RICTOR: variants seen among roughly 807,000 people sequenced by gnomAD.
RICTOR encodes rapamycin-insensitive companion of mTOR.
In RICTOR, 49 loss-of-function variants were observed where a neutral mutation model predicts 214.9. The observed-to-expected ratio is 0.23, with a 90% CI of 0.18 to 0.29. RICTOR has a LOEUF of 0.29. Ranked by LOEUF, RICTOR falls within the 10% of genes least tolerant of loss-of-function variation. The pLI is 1.00. For synonymous variants in RICTOR, 717 were observed against 711.3 expected (o/e 1.01, Z -0.13); for missense variants, 1,625 against 2,047.0 (o/e 0.79, Z 3.98).
chr5:39,004,464 CT>C (rs35374961), intron 3 of RICTOR, among the ~76,000 whole-genome samples: 69 of 144,974 alleles, frequency 4.8e-4, no homozygotes, highest in Middle Eastern at 3.6e-3. Context: ...TTCTCAAACT[CT>C]TTTTTTTTTT....
chr5:39,062,841 C>G (rs116718029), intron 2 of RICTOR, among the ~76,000 whole-genome samples: 1,670 of 152,224 alleles, frequency 0.011, 37 homozygotes, highest in African/African-American at 0.039. Context: ...TCCTCAAACA[C>G]TATTTATCCT....
In RICTOR at chr5:38,938,562, A is replaced by T. The variant is rs10941413; in HGVS notation, c.*3742T>A. The T allele has an allele frequency of 1.3e-5, 3 of 232,756 alleles. No individual in the cohort carries two copies. Among genetic ancestry groups the T allele is most frequent in the African/African-American group, 2.2e-5 (1 of 45,324 alleles). The allele number at this position is 232,756 out of a possible 1,614,324, so 14.4% of individuals were successfully genotyped here. A position where few individuals can be genotyped will look rare whatever the true frequency, so the allele number is the denominator to read the frequency against. On this transcript the variant is annotated 3_prime_UTR_variant, in exon 38 of 38. Transcript: ENST00000357387. ...AATTTATGCATGCTGTGGTGCAGCTATCCGATACTTACATTACAAAAATAC... is the reference window on the plus strand; with the variant it reads ...AATTTATGCATGCTGTGGTGCAGCTTTCCGATACTTACATTACAAAAATAC...
chr5:38,945,321 G>A (rs1748069688), intron 34 of RICTOR, 170 bp downstream of exon 34: 1 of 619,424 alleles, frequency 1.6e-6, no homozygotes, highest in African/African-American at 1.8e-5. Flanking sequence ...CTGTGACCTG[G>A]AACCGTGAGA....
intron 10 of RICTOR, among the ~76,000 whole-genome samples, chr5:38,973,962 G>A (rs891130729): frequency 9.2e-5 from 14 of 152,006 alleles, no homozygotes; most frequent in Non-Finnish European, 1.8e-4. Flanking sequence ...TTATTTCCAC[G>A]AGACAAATGC....
In RICTOR at chr5:38,952,267, G is replaced by C. The variant is rs1418699318; in HGVS notation, c.3056C>G (p.Pro1019Arg). The C allele has an allele frequency of 1.2e-6, 2 of 1,612,994 alleles. No homozygotes were observed. Among genetic ancestry groups the C allele is most frequent in the Non-Finnish European group, 1.7e-6 (2 of 1,179,214 alleles). Residue 1019 changes from proline (P) to arginine (R), a missense_variant, in exon 30 of 38, where the codon CCA becomes CGA. Transcript: ENST00000357387. ...EQLCNELSSIPSTLSLNSEST... is the reference protein window; with the variant it reads ...EQLCNELSSIRSTLSLNSEST... The stretch of plus-strand genomic sequence containing the variant: ...CTCCGAGTTCAAACTTAGAGTGCTT[G>C]GGATAGATGAAAGTTCATTACAGAG...
intron 5 of RICTOR, among the ~76,000 whole-genome samples, chr5:38,999,431 G>C (rs918322725): frequency 2.6e-5 from 4 of 152,048 alleles, no homozygotes; most frequent in Non-Finnish European, 4.4e-5. Flanking sequence ...TGAAAAATAA[G>C]TAACTGGTAG....
At chr5:39,020,934 G>C in intron 3 of RICTOR, 105 bp downstream of exon 3, 1 of 706,630 alleles carries the variant, frequency 1.4e-6, no homozygotes, top group Admixed American at 2.1e-5. Context: ...CATTAATGCT[G>C]AGTGAATACA....
chr5:39,029,238 A>G (rs1219691284), intron 2 of RICTOR, among the ~76,000 whole-genome samples: 1 of 152,200 alleles, frequency 6.6e-6, no homozygotes, highest in African/African-American at 2.4e-5. Context: ...ACAGCTCAAC[A>G]AAGATGCATT....
At chr5:39,063,487 CTCTTTTATGCAAAGG>C (rs1444234812) in intron 2 of RICTOR, among the ~76,000 whole-genome samples, 1 of 152,134 alleles carries the variant, frequency 6.6e-6, no homozygotes, top group East Asian at 1.9e-4. Flanking sequence ...TGAATTGCTA[CTCTTTTATGCAAAGG>C]TCTTACAATT....
chr5:38,967,106 G>C, intron 14 of RICTOR, 55 bp downstream of exon 14: 1 of 1,346,870 alleles, frequency 7.4e-7, no homozygotes, highest in East Asian at 2.3e-5. Flanking sequence ...TGGCATGAAA[G>C]AATCTGTTAG....
intron 7 of RICTOR, 62 bp downstream of exon 7, chr5:38,990,887 T>C (rs1752725866): frequency 1.1e-6 from 1 of 920,966 alleles, no homozygotes; most frequent in Non-Finnish European, 1.6e-6. Flanking sequence ...GATATATATA[T>C]CTCAAATGTT....
chr5:39,073,991 C>G, intron 2 of RICTOR, 120 bp downstream of exon 2: 2 of 552,172 alleles, frequency 3.6e-6, no homozygotes, highest in Non-Finnish European at 5.0e-6. Context: ...GGGGCTCCGG[C>G]TCTGGCCCCC....
rs192610573 is a variant in RICTOR, at chr5:39,018,315, T to C, written c.195+2724A>G. On this transcript the variant is annotated intron_variant, in intron 3 of 37. Transcript: ENST00000357387. Reference sequence around the variant, plus strand: ...ACATCAGGAAAAGAGAAAGTTATAATATAGTTCTTTGGGCTTATGGCTATA... The same window carrying C: ...ACATCAGGAAAAGAGAAAGTTATAACATAGTTCTTTGGGCTTATGGCTATA... Among the ~76,000 whole-genome samples, 9 of 152,234 alleles carry C rather than the reference T, an allele frequency of 5.9e-5. No individual in the cohort carries two copies. In the East Asian group the frequency reaches 1.7e-3, roughly 29 times the overall value.
intron 2 of RICTOR, among the ~76,000 whole-genome samples, chr5:39,058,594 CAAGGAG>C (rs2150201019): frequency 6.6e-6 from 1 of 152,166 alleles, no homozygotes; most frequent in East Asian, 1.9e-4. Context: ...TATGCTCTTT[CAAGGAG>C]AAGGATCTCT....
Position 38,942,847 on chromosome 5 carries a change from C to T in RICTOR, c.5038G>A (p.Val1680Ile), listed in dbSNP as rs147549413. ...ATCATACTTACTTGTAGAAACTGTA[C>T]ATCTTGAAATAATTCTTGTATGAAC... ...RRFIQELFQD[V>I]QFLQMHEEAE... The change falls in exon 37 of 38, where the codon GTA becomes ATA. Residue 1680 changes from valine (V) to isoleucine (I), a missense_variant. Val to Ile is a conservative substitution (Grantham distance 29). Coordinates refer to ENST00000357387, the MANE Select transcript of RICTOR (RefSeq NM_152756.5). 83 of 1,608,544 alleles carry T rather than the reference C, an allele frequency of 5.2e-5. No homozygotes were observed. Among genetic ancestry groups the T allele is most frequent in the Non-Finnish European group, 6.7e-5 (79 of 1,175,142 alleles).
At chr5:39,021,011 G>T in intron 3 of RICTOR, 28 bp downstream of exon 3, 1 of 1,059,120 alleles carries the variant, frequency 9.4e-7, no homozygotes, top group Non-Finnish European at 1.5e-6. Flanking sequence ...AAGAATTTTA[G>T]ACAATAATAA....
chr5:38,953,132 C>T (rs755857736), intron 28 of RICTOR, 41 bp from the exon 29 acceptor site: 1 of 1,358,862 alleles, frequency 7.4e-7, no homozygotes, highest in South Asian at 1.2e-5. Context: ...ATAAGAGTCA[C>T]TCTTTCAAAA....
intron 20 of RICTOR, among the ~76,000 whole-genome samples, chr5:38,960,188 G>C (rs1282035675): frequency 1.4e-5 from 2 of 144,278 alleles, no homozygotes; most frequent in African/African-American, 5.2e-5. Flanking sequence ...GAGTAAACCA[G>C]GTTTTCTAGA....
intron 2 of RICTOR, among the ~76,000 whole-genome samples, chr5:39,065,562 A>G (rs1263986823): frequency 6.6e-6 from 1 of 152,236 alleles, no homozygotes; most frequent in African/African-American, 2.4e-5. Context: ...TCTGAAGTCC[A>G]AAGTCTCATC....
Sources: gnomAD v4.1 joint callset for allele counts (sites outside exome capture counted in the v4.1 genomes callset) on GRCh38, gnomAD v4.1.1 for gene constraint, MANE v1.5 for transcripts, NCBI Gene and HGNC (gene_info 2026-07-23, HGNC 2026-07-21) for gene names.